RBM48: variants seen among roughly 807,000 people sequenced by gnomAD.
The protein encoded by RBM48 is RNA-binding protein 48.
RBM48 carries 32 observed loss-of-function variants against 34.8 expected under a neutral mutation model. That is an observed-to-expected ratio of 0.92 (90% CI 0.69 to 1.23). The LOEUF is 1.23. Among genes scored for constraint, RBM48 ranks in the 50% most tolerant of loss-of-function variants. The probability of loss-of-function intolerance (pLI) is 0.00; values close to 1 mark genes in which losing one functional copy is unlikely to be tolerated. For synonymous variants in RBM48, 151 were observed against 156.2 expected (o/e 0.97, Z 0.25); for missense variants, 441 against 447.2 (o/e 0.99, Z 0.12).
intron 4 of RBM48, chr7:92,536,343 T>G (rs192910304): frequency 1.5e-5 from 15 of 978,402 alleles, no homozygotes; most frequent in African/African-American, 1.7e-5. Context: ...ATTTTCCATT[T>G]CAAATGAAGA....
intron 4 of RBM48, chr7:92,535,668 C>T: frequency 3.0e-6 from 3 of 984,932 alleles, no homozygotes; most frequent in Non-Finnish European, 3.6e-6. Context: ...ATACTTACTC[C>T]AAGATGCAGA....
intron 2 of RBM48, among the ~76,000 whole-genome samples, chr7:92,530,086 A>G (rs1385436713): frequency 6.7e-6 from 1 of 149,948 alleles, no homozygotes; most frequent in Admixed American, 6.7e-5. Flanking sequence ...CTGAGGCAGG[A>G]GAATCGCTTG....
rs144470446 is a variant in RBM48 at position 92,535,643 on chromosome 7, T to C, written c.1017+673T>C. 5 of 985,140 alleles carry C rather than the reference T, an allele frequency of 5.1e-6. No homozygotes were observed. The East Asian group carries it at 5.7e-4, about 112-fold the overall frequency. 61.0% of individuals were successfully genotyped at this position (985,140 alleles called of 1,614,324 possible). On this transcript the variant is annotated intron_variant, in intron 4 of 4. Coordinates refer to ENST00000265732, the MANE Select transcript of RBM48 (RefSeq NM_032120.4). Reference sequence around the variant, plus strand: ...ACTGTTACAAATCATAAACTGAGGGTTATGACATTCTCTTATACTTACTCC... The same window carrying C: ...ACTGTTACAAATCATAAACTGAGGGCTATGACATTCTCTTATACTTACTCC...
intron 3 of RBM48, among the ~76,000 whole-genome samples, chr7:92,533,401 A>T (rs1313723756): frequency 6.6e-6 from 1 of 152,214 alleles, no homozygotes; most frequent in East Asian, 1.9e-4. Context: ...TGACCTGCCT[A>T]TATTATTAGA....
At chr7:92,529,947 G>C (rs1305117127) in intron 2 of RBM48, among the ~76,000 whole-genome samples, 1 of 152,098 alleles carries the variant, frequency 6.6e-6, no homozygotes, top group East Asian at 1.9e-4. Flanking sequence ...GGGAGACCGA[G>C]GTGGGCGGAT....
In RBM48 at chr7:92,535,290, G is replaced by C. The variant is rs1183320443; in HGVS notation, c.1017+320G>C. On this transcript the variant is annotated intron_variant, in intron 4 of 4. Coordinates refer to ENST00000265732, the MANE Select transcript of RBM48 (RefSeq NM_032120.4). ...ATTTTTGTTAAAAGCTCCCCAGGTA[G>C]TTCTAATATGAGCCAAAGTTGAGAA... The C allele has an allele frequency of 9.0e-6, 11 of 1,224,402 alleles. No individual in the cohort carries two copies. The East Asian group carries it at 1.6e-4, about 18-fold the overall frequency. The allele number at this position is 1,224,402 out of a possible 1,614,324, so 75.8% of individuals were successfully genotyped here.
rs1323262538 is a variant in RBM48 at position 92,538,853 on chromosome 7, A to G, written c.*1916A>G. ...GCATGACAAACGTTACCTGACAGTT[A>G]AGGAGAGGAGCTGCTAAATGGGTCG... On this transcript the variant is annotated 3_prime_UTR_variant, in exon 5 of 5. Transcript: ENST00000265732. Among the ~76,000 whole-genome samples, 1 of 152,176 alleles carries G rather than the reference A, an allele frequency of 6.6e-6. No homozygotes were observed. Among genetic ancestry groups the G allele is most frequent in the Non-Finnish European group, 1.5e-5 (1 of 68,026 alleles).
At chr7:92,535,904 G>A (rs1165177724) in intron 4 of RBM48, 2 of 750,512 alleles carry the variant, frequency 2.7e-6, no homozygotes, top group Non-Finnish European at 3.2e-6. Context: ...GGAGGCTGAG[G>A]TGAGCAGATT....
intron 3 of RBM48, chr7:92,534,199 G>A (rs1585277187): frequency 1.5e-6 from 1 of 686,416 alleles, no homozygotes; most frequent in South Asian, 1.8e-5. Context: ...GCAAGGAAAG[G>A]GTGACACTTG....
At position 92,537,028 on chromosome 7, in the gene RBM48, G is replaced by A; in HGVS notation, c.*91G>A. On this transcript the variant is annotated 3_prime_UTR_variant, in exon 5 of 5. Coordinates refer to ENST00000265732, the MANE Select transcript of RBM48 (RefSeq NM_032120.4). ...TAATTCTTCAAGAGATTTTACTGCT[G>A]GTATTTTTTAATGCACTCCTCTTTG... 1 of 930,540 alleles carries A rather than the reference G, an allele frequency of 1.1e-6. No individual in the cohort carries two copies. Among genetic ancestry groups the A allele is most frequent in the South Asian group, 1.8e-5 (1 of 55,404 alleles). 57.6% of individuals were successfully genotyped at this position (930,540 alleles called of 1,614,324 possible).
Position 92,529,535 on chromosome 7 carries a change from A to G in RBM48, c.171A>G (p.Gly57=). The change falls in exon 2 of 5, where the codon GGA becomes GGG. Residue 57 remains glycine (G), a synonymous_variant. Transcript: ENST00000265732. ...YLLIQGVPAV[G]VMKELVERFA... ...TAATACAAGGAGTTCCTGCTGTGGG[A>G]GTCATGAAGGAATTAGTTGAGCGAT... The G allele has an allele frequency of 6.2e-7, 1 of 1,611,116 alleles. No individual in the cohort carries two copies. The highest frequency in any genetic ancestry group is 8.5e-7 in the Non-Finnish European group (1 of 1,177,400).
intron 1 of RBM48, 76 bp downstream of exon 1, chr7:92,529,000 A>G: frequency 9.4e-7 from 1 of 1,067,948 alleles, no homozygotes. Context: ...CAGCCTACGG[A>G]AATAAAGGCA....
chr7:92,536,813 A>T (rs1225223426), intron 4 of RBM48, 38 bp from the exon 5 acceptor site: 2 of 1,541,614 alleles, frequency 1.3e-6, no homozygotes, highest in Admixed American at 4.6e-5. Flanking sequence ...TGTGCTATAG[A>T]AACTAAGTTT....
rs1427729505 is a variant in RBM48, at chr7:92,537,981, G to T, written c.*1044G>T. 6.6e-6 allele frequency: 1 copy of T among 152,192 alleles called. No homozygotes were observed. The highest frequency in any genetic ancestry group is 1.5e-5 in the Non-Finnish European group (1 of 68,038). 9.4% of individuals were successfully genotyped at this position (152,192 alleles called of 1,614,324 possible). A position where few individuals can be genotyped will look rare whatever the true frequency, so the allele number is the denominator to read the frequency against. On this transcript the variant is annotated 3_prime_UTR_variant, in exon 5 of 5. Coordinates refer to ENST00000265732, the MANE Select transcript of RBM48 (RefSeq NM_032120.4). Reference sequence around the variant, plus strand: ...ACTGTGCCTGGCCATTTTCTTTACTGATAAAAATAACTTGAGAAGGTCCAT... The same window carrying T: ...ACTGTGCCTGGCCATTTTCTTTACTTATAAAAATAACTTGAGAAGGTCCAT...
intron 4 of RBM48, chr7:92,536,594 GA>G (rs1793717937): frequency 9.1e-7 from 1 of 1,092,960 alleles, no homozygotes; most frequent in Non-Finnish European, 1.1e-6. Context: ...TGTTAAAGTA[GA>G]GCATATGTTC....
chr7:92,536,092 T>C, intron 4 of RBM48: 2 of 874,716 alleles, frequency 2.3e-6, no homozygotes, highest in Non-Finnish European at 2.7e-6. Flanking sequence ...ATCATGCCAC[T>C]GCACTCCAGC....
chr7:92,534,025 C>G (rs1372594811), intron 3 of RBM48, among the ~76,000 whole-genome samples: 1 of 146,082 alleles, frequency 6.8e-6, no homozygotes, highest in Non-Finnish European at 1.5e-5. Context: ...TCTGTAAGAT[C>G]TACAGTGAAA....
chr7:92,532,657 G>C (rs1793605664), intron 3 of RBM48, 108 bp downstream of exon 3: 1 of 756,914 alleles, frequency 1.3e-6, no homozygotes, highest in Non-Finnish European at 2.2e-6. Context: ...AACCATCACA[G>C]TATTCAGTAA....
At chr7:92,536,516 A>C in intron 4 of RBM48, 1 of 996,002 alleles carries the variant, frequency 1.0e-6, no homozygotes, top group Non-Finnish European at 1.2e-6. Flanking sequence ...TCAGTGTTTC[A>C]AGAATGCAAA....
Sources: gnomAD v4.1 joint callset for allele counts (sites outside exome capture counted in the v4.1 genomes callset) on GRCh38, gnomAD v4.1.1 for gene constraint, MANE v1.5 for transcripts, NCBI Gene and HGNC (gene_info 2026-07-23, HGNC 2026-07-21) for gene names.